The following PKN2 variants were observed in gnomAD, a reference collection of about 807,000 sequenced individuals.
PKN2 encodes the protein serine/threonine-protein kinase N2.
PKN2 carries 38 observed loss-of-function variants against 119.1 expected under a neutral mutation model. The observed-to-expected ratio is 0.32, with a 90% CI of 0.25 to 0.42. The LOEUF (loss-of-function observed/expected upper bound fraction) is 0.42. Ranked by LOEUF, PKN2 falls within the 10% of genes least tolerant of loss-of-function variation. The probability of loss-of-function intolerance (pLI) is 1.00; values close to 1 mark genes in which losing one functional copy is unlikely to be tolerated. For missense variants in PKN2, 850 were observed against 1,165.1 expected, an observed-to-expected ratio of 0.73 and a Z score of 3.94; for synonymous variants, 390 against 384.9, an observed-to-expected ratio of 1.01 and a Z score of -0.15.
chr1:88,786,293 A>G (rs1670570526), intron 8 of PKN2, 80 bp downstream of exon 8: 2 of 679,794 alleles, frequency 2.9e-6, no homozygotes, highest in Non-Finnish European at 5.0e-6. Flanking sequence ...AGGCTTCAAC[A>G]AGTTGTATTC....
At chr1:88,722,880 A>G (rs1182527343) in intron 1 of PKN2, among the ~76,000 whole-genome samples, 1 of 152,170 alleles carries the variant, frequency 6.6e-6, no homozygotes, top group Non-Finnish European at 1.5e-5. Flanking sequence ...CTCTGCACTT[A>G]GAAAGCCTGT....
chr1:88,814,111 C>G (rs1178866255), intron 16 of PKN2, among the ~76,000 whole-genome samples: 1 of 151,922 alleles, frequency 6.6e-6, no homozygotes, highest in Non-Finnish European at 1.5e-5. Context: ...GAGTCTGTAT[C>G]ATATATTTAT....
At chr1:88,820,110 C>CTGCACA (rs1473748557) in intron 16 of PKN2, among the ~76,000 whole-genome samples, 1 of 147,196 alleles carries the variant, frequency 6.8e-6, no homozygotes, top group African/African-American at 2.5e-5. Context: ...CCTGTACATT[C>CTGCACA]TGCACATGTA....
intron 8 of PKN2, among the ~76,000 whole-genome samples, chr1:88,790,517 C>T (rs1204536987): frequency 6.6e-6 from 1 of 152,136 alleles, no homozygotes. Context: ...CTCAGTATTA[C>T]AGTCGAGAAT....
chr1:88,735,231 T>G (rs1668292330), intron 1 of PKN2, among the ~76,000 whole-genome samples: 1 of 152,162 alleles, frequency 6.6e-6, no homozygotes, highest in Non-Finnish European at 1.5e-5. Flanking sequence ...CGATCATGGC[T>G]CACTGCAGTC....
chr1:88,829,975 A>C (rs1381412523), intron 19 of PKN2, among the ~76,000 whole-genome samples: 2 of 152,164 alleles, frequency 1.3e-5, no homozygotes, highest in Non-Finnish European at 2.9e-5. Flanking sequence ...AAAGGAGGAG[A>C]AGTATGGCTA....
At chr1:88,778,859 G>A (rs187579761) in intron 6 of PKN2, among the ~76,000 whole-genome samples, 11 of 152,010 alleles carry the variant, frequency 7.2e-5, no homozygotes, top group East Asian at 1.9e-4. Flanking sequence ...GACTACAGGC[G>A]CCCAACACCA....
intron 1 of PKN2, among the ~76,000 whole-genome samples, chr1:88,719,774 CATTCTT>C (rs1263016756): frequency 6.6e-6 from 1 of 152,116 alleles, no homozygotes; most frequent in East Asian, 1.9e-4. Context: ...ATCTTTTCAA[CATTCTT>C]ATTCTTACTG....
At chr1:88,793,955 A>G (rs765408562) in intron 8 of PKN2, among the ~76,000 whole-genome samples, 4 of 152,226 alleles carry the variant, frequency 2.6e-5, no homozygotes, top group Admixed American at 6.5e-5. Context: ...GGTGGACTGT[A>G]TATGTAAACA....
chr1:88,827,525 T>C (rs950527547), intron 18 of PKN2, among the ~76,000 whole-genome samples: 2 of 151,934 alleles, frequency 1.3e-5, no homozygotes, highest in African/African-American at 4.8e-5. Flanking sequence ...GGCATCATGT[T>C]GGTGCCCAAA....
chr1:88,802,328 ATT>A (rs1038007038), intron 8 of PKN2, among the ~76,000 whole-genome samples: 8 of 144,632 alleles, frequency 5.5e-5, no homozygotes, highest in Admixed American at 2.1e-4. Context: ...ATAAATTTTA[ATT>A]TTTTTTTTTT....
chr1:88,707,406 G>T (rs1667044982), intron 1 of PKN2, among the ~76,000 whole-genome samples: 1 of 152,044 alleles, frequency 6.6e-6, no homozygotes, highest in Non-Finnish European at 1.5e-5. Flanking sequence ...TTTAGCGACA[G>T]TGTAGTGTCT....
chr1:88,691,630 G>A lies in PKN2; in HGVS notation c.48+7002G>A, dbSNP rs180989889. 1.1e-4 allele frequency among the ~76,000 whole-genome samples: 17 copies of A among 152,208 alleles called. No individual in the cohort carries two copies. In the East Asian group the frequency reaches 1.9e-3, roughly 17 times the overall value. On this transcript the variant is annotated intron_variant, in intron 1 of 21. Transcript: ENST00000370521. ...AAACAAGCTAGGAACTTTAACCTACGTATAGTTTTCCTCTATTCTATCCGT... is the reference window on the plus strand; with the variant it reads ...AAACAAGCTAGGAACTTTAACCTACATATAGTTTTCCTCTATTCTATCCGT...
chr1:88,781,168 G>A, intron 6 of PKN2: 1 of 1,278,590 alleles, frequency 7.8e-7, no homozygotes, highest in Non-Finnish European at 1.0e-6. Context: ...AATAGTAAGA[G>A]CATTTGCTGT....
intron 2 of PKN2, among the ~76,000 whole-genome samples, 178 bp from the exon 3 acceptor site, chr1:88,760,044 G>A (rs535208840): frequency 2.3e-3 from 321 of 137,998 alleles, no homozygotes; most frequent in Non-Finnish European, 3.4e-3. Context: ...ACTCAGATAC[G>A]TGTTTTTTTT....
intron 8 of PKN2, among the ~76,000 whole-genome samples, chr1:88,789,619 C>T (rs533871435): frequency 3.3e-5 from 5 of 151,796 alleles, no homozygotes; most frequent in South Asian, 2.1e-4. Context: ...GCTGAGATCA[C>T]GCCACTGCAC....
intron 2 of PKN2, among the ~76,000 whole-genome samples, chr1:88,757,415 C>T (rs1315683324): frequency 6.6e-6 from 1 of 152,156 alleles, no homozygotes; most frequent in East Asian, 1.9e-4. Flanking sequence ...TCTGCTGCCT[C>T]AGCCTTAATA....
At chr1:88,698,838 G>A (rs1316182522) in intron 1 of PKN2, among the ~76,000 whole-genome samples, 2 of 152,060 alleles carry the variant, frequency 1.3e-5, no homozygotes, top group Non-Finnish European at 2.9e-5. Context: ...ACCAACTTCT[G>A]TTTTCCCTTC....
chr1:88,684,879 C>G, intron 1 of PKN2: 1 of 415,120 alleles, frequency 2.4e-6, no homozygotes. Flanking sequence ...GGGACCCCAT[C>G]TCTGCAGCCC....
Sources: gnomAD v4.1 joint callset for allele counts (sites outside exome capture counted in the v4.1 genomes callset) on GRCh38, gnomAD v4.1.1 for gene constraint, MANE v1.5 for transcripts, NCBI Gene and HGNC (gene_info 2026-07-23, HGNC 2026-07-21) for gene names.